SSC5D: variants seen among roughly 807,000 people sequenced by gnomAD.
SSC5D encodes scavenger receptor cysteine rich family member with 5 domains.
In SSC5D, 106 loss-of-function variants were observed where a neutral mutation model predicts 104.6. That is an observed-to-expected ratio of 1.01 (90% CI 0.87 to 1.19). The LOEUF (loss-of-function observed/expected upper bound fraction) is 1.19, where lower values mean the gene tolerates loss of function less well. Ranked by LOEUF, SSC5D falls within the 50% of genes most tolerant of loss-of-function variation. The pLI, the probability that SSC5D is intolerant of heterozygous loss-of-function variation, is 0.00. For synonymous variants in SSC5D, 860 were observed against 883.5 expected, an observed-to-expected ratio of 0.97 and a Z score of 0.47; for missense variants, 1,993 against 2,153.8, an observed-to-expected ratio of 0.93 and a Z score of 1.48.
chr19:55,508,435 G>A (rs2123453024), intron 12 of SSC5D, among the ~76,000 whole-genome samples: 1 of 152,258 alleles, frequency 6.6e-6, no homozygotes, highest in African/African-American at 2.4e-5. Context: ...GCATCCTGTG[G>A]TTACACTCCC....
rs757093077 is a variant in SSC5D at position 55,493,727 on chromosome 19, G to A, written c.1028G>A (p.Arg343Gln). 5.3e-6 allele frequency: 8 copies of A among 1,521,216 alleles called. No homozygotes were observed. Among genetic ancestry groups the A allele is most frequent in the Middle Eastern group, 1.8e-4 (1 of 5,542 alleles). 94.2% of individuals were successfully genotyped at this position (1,521,216 alleles called of 1,614,324 possible). ...WDLRDAAVAC[R>Q]ELGCGGALAA... Reference sequence around the variant, plus strand: ...CTGCGAGACGCCGCTGTGGCCTGCCGAGAGCTGGGCTGCGGAGGGGCGCTG... The same window carrying A: ...CTGCGAGACGCCGCTGTGGCCTGCCAAGAGCTGGGCTGCGGAGGGGCGCTG... The change falls in exon 7 of 14, where the codon CGA (arginine) becomes CAA (glutamine). Residue 343 changes from arginine (R) to glutamine (Q), a missense_variant. Arg to Gln is a conservative substitution (Grantham distance 43). Transcript: ENST00000389623.
At chr19:55,512,770 A>G (rs1360711706) in intron 12 of SSC5D, among the ~76,000 whole-genome samples, 1 of 152,204 alleles carries the variant, frequency 6.6e-6, no homozygotes, top group Admixed American at 6.5e-5. Flanking sequence ...AGCTTGAGCC[A>G]CGGCGCCAGG....
In SSC5D at chr19:55,491,197, C is replaced by T. The variant is rs979529335; in HGVS notation, c.895+117C>T. On this transcript the variant is annotated intron_variant, in intron 6 of 13. Transcript: ENST00000389623. ...GCTCTGCCTCCTGCCCGCCTGCTCT[C>T]TGCATGCCCAGCGCCCACTCACCAC... 9.3e-6 allele frequency: 11 copies of T among 1,185,774 alleles called. No homozygotes were observed. In the East Asian group the frequency reaches 1.3e-4, roughly 14 times the overall value. The allele number at this position is 1,185,774 out of a possible 1,614,324, so 73.5% of individuals were successfully genotyped here.
chr19:55,504,335 AT>A, intron 12 of SSC5D: 1 of 1,406,576 alleles, frequency 7.1e-7, no homozygotes, highest in Non-Finnish European at 9.2e-7. Context: ...CGCCGGTGAA[AT>A]GAAAAGACAG....
At chr19:55,516,178 A>C (rs1053688643) in intron 13 of SSC5D, among the ~76,000 whole-genome samples, 2 of 151,970 alleles carry the variant, frequency 1.3e-5, no homozygotes, top group African/African-American at 2.4e-5. Flanking sequence ...AAAAAAAAAA[A>C]AACCCATGAT....
chr19:55,497,136 T>A (rs923620248), intron 8 of SSC5D, among the ~76,000 whole-genome samples: 1 of 152,184 alleles, frequency 6.6e-6, no homozygotes, highest in Non-Finnish European at 1.5e-5. Context: ...TTTCTCACCT[T>A]CTCCTCGTTG....
Position 55,494,641 on chromosome 19 carries a change from C to A in SSC5D, c.1245C>A (p.Ala415=). ...CCCTGGGCTACGTCCCTCCCACGGC[C>A]CCCACGGACAGCAACAACTCCACGC... ...GMPLGYVPPT[A]PTDSNNSTPR... The change falls in exon 8 of 14, where the codon GCC becomes GCA. Residue 415 remains alanine, a synonymous_variant. Coordinates refer to ENST00000389623, the MANE Select transcript of SSC5D (RefSeq NM_001144950.2). The A allele has an allele frequency of 6.5e-7, 1 of 1,545,232 alleles. No homozygotes were observed. Among genetic ancestry groups the A allele is most frequent in the East Asian group, 2.5e-5 (1 of 40,358 alleles).
chr19:55,512,910 G>A (rs775812707), intron 12 of SSC5D, 101 bp from the exon 13 acceptor site: 98 of 1,413,954 alleles, frequency 6.9e-5, no homozygotes, highest in Middle Eastern at 1.8e-4. Flanking sequence ...CAGTTGAGAC[G>A]GGATGATGCC....
At chr19:55,515,491 G>C (rs577893148) in intron 13 of SSC5D, among the ~76,000 whole-genome samples, 1 of 151,606 alleles carries the variant, frequency 6.6e-6, no homozygotes, top group Admixed American at 6.6e-5. Context: ...CCAGCACTTT[G>C]GGAGGCCGAA....
intron 3 of SSC5D, 68 bp from the exon 4 acceptor site, chr19:55,489,814 C>T (rs1987080476): frequency 1.3e-6 from 2 of 1,495,976 alleles, no homozygotes; most frequent in South Asian, 1.2e-5. Flanking sequence ...ACTCCCTCTT[C>T]CAGGGACCCA....
intron 13 of SSC5D, among the ~76,000 whole-genome samples, chr19:55,515,824 C>T (rs1464365041): frequency 6.6e-6 from 1 of 152,166 alleles, no homozygotes; most frequent in African/African-American, 2.4e-5. Flanking sequence ...CCACATGTGG[C>T]CAGTGGCTAC....
rs1478922034 is a variant in SSC5D at position 55,490,879 on chromosome 19, G to A, written c.694G>A (p.Ala232Thr). ...VCDDGWDLRD[A>T]AVACRELGCG... ...TGACGATGGCTGGGACCTGCGCGACGCTGCTGTAGCCTGCCGGGAACTGGG... is the reference window on the plus strand; with the variant it reads ...TGACGATGGCTGGGACCTGCGCGACACTGCTGTAGCCTGCCGGGAACTGGG... Residue 232 changes from alanine (A) to threonine (T), a missense_variant, in exon 6 of 14, where the codon GCT (alanine) becomes ACT (threonine). This residue lies in a region of SSC5D where 1,101 missense variants were observed against 1,085.0 expected (regional missense o/e 1.01). Coordinates refer to ENST00000389623, the MANE Select transcript of SSC5D (RefSeq NM_001144950.2). The A allele has an allele frequency of 1.1e-5, 17 of 1,546,286 alleles. No homozygotes were observed. The highest frequency in any genetic ancestry group is 7.3e-5 in the East Asian group (3 of 40,860).
intron 12 of SSC5D, chr19:55,504,254 C>A (rs1253061367): frequency 2.6e-6 from 4 of 1,516,716 alleles, no homozygotes; most frequent in Non-Finnish European, 8.8e-7. Flanking sequence ...ACAGCGGGTC[C>A]GGCCTCGGGA....
At chr19:55,495,203 G>C (rs1173670941) in intron 8 of SSC5D, among the ~76,000 whole-genome samples, 2 of 95,522 alleles carry the variant, frequency 2.1e-5, no homozygotes, top group Non-Finnish European at 4.0e-5. Context: ...CAATGGTTCT[G>C]CCTGCCTCCT....
Position 55,518,391 on chromosome 19 carries a change from C to G in SSC5D, c.4115C>G (p.Ala1372Gly), listed in dbSNP as rs1050242052. Reference sequence around the variant, plus strand: ...CCCCAGTTGACCTTCACAGCACCTGCCCCTCACACCTCCACATCCCAGATA... The same window carrying G: ...CCCCAGTTGACCTTCACAGCACCTGGCCCTCACACCTCCACATCCCAGATA... ...LHPQLTFTAP[A>G]PHTSTSQIPT... Residue 1372 changes from alanine to glycine, a missense_variant, in exon 14 of 14, where the codon GCC (alanine) becomes GGC (glycine). Coordinates refer to ENST00000389623, the MANE Select transcript of SSC5D (RefSeq NM_001144950.2). 8 of 1,551,332 alleles carry G rather than the reference C, an allele frequency of 5.2e-6. No individual in the cohort carries two copies. The African/African-American group carries it at 9.6e-5, about 19-fold the overall frequency.
chr19:55,500,065 C>G lies in SSC5D; in HGVS notation c.1955C>G (p.Ser652Cys), dbSNP rs1304830840. Reference protein sequence around the residue: ...QPPVMPTTKHSRAQSPPDLTS... With the variant: ...QPPVMPTTKHCRAQSPPDLTS... ...CCAGTGATGCCAACCACGAAACACTCCAGGGCCCAAAGCCCCCCAGACCTA... is the reference window on the plus strand; with the variant it reads ...CCAGTGATGCCAACCACGAAACACTGCAGGGCCCAAAGCCCCCCAGACCTA... Residue 652 changes from serine (S) to cysteine (C), a missense_variant, in exon 10 of 14, where the codon TCC becomes TGC. Ser to Cys is a moderately radical substitution (Grantham distance 112). Transcript: ENST00000389623. This position sits in a 1 kb window ranked among gnomAD's most constrained non-coding sequence, Gnocchi z 4.6. 1 of 1,551,850 alleles carries G rather than the reference C, an allele frequency of 6.4e-7. No homozygotes were observed. The highest frequency in any genetic ancestry group is 2.0e-5 in the Admixed American group (1 of 50,996).
Position 55,497,992 on chromosome 19 carries a change from T to C in SSC5D, c.1500T>C (p.Asp500=). Residue 500 remains aspartate (D), a synonymous_variant, in exon 9 of 14, where the codon GAT becomes GAC. Transcript: ENST00000389623. The part of the protein sequence containing the change: ...TVCDDSWDMR[D]SAVVCRELGC... Reference sequence around the variant, plus strand: ...GTGACGATAGCTGGGACATGCGGGATTCAGCTGTGGTCTGCCGGGAGCTGG... The same window carrying C: ...GTGACGATAGCTGGGACATGCGGGACTCAGCTGTGGTCTGCCGGGAGCTGG... 2 of 1,551,758 alleles carry C rather than the reference T, an allele frequency of 1.3e-6. No homozygotes were observed. Among genetic ancestry groups the C allele is most frequent in the South Asian group, 2.4e-5 (2 of 84,046 alleles).
intron 12 of SSC5D, among the ~76,000 whole-genome samples, chr19:55,504,832 A>G (rs930642313): frequency 7.2e-5 from 11 of 152,102 alleles, no homozygotes; most frequent in African/African-American, 2.7e-4. Context: ...ATGGGGCGCC[A>G]GGGTTGTTGG....
At chr19:55,507,057 T>G (rs552113959) in intron 12 of SSC5D, among the ~76,000 whole-genome samples, 1 of 150,876 alleles carries the variant, frequency 6.6e-6, no homozygotes, top group Non-Finnish European at 1.5e-5. Context: ...TAATCCCAGC[T>G]CCTCGGGAGG....
Sources: allele counts gnomAD v4.1 joint callset (sites outside exome capture counted in the v4.1 genomes callset), GRCh38; gene constraint gnomAD v4.1.1; regional missense constraint gnomAD v4.1.1; non-coding constraint Gnocchi (gnomAD v3.1); transcripts MANE v1.5; gene names NCBI Gene and HGNC (gene_info 2026-07-23, HGNC 2026-07-21).